Variants in SEMA6D observed in about 807,000 individuals in gnomAD.
SEMA6D encodes the protein semaphorin-6D.
Under a neutral mutation model 106.6 loss-of-function variants are expected in SEMA6D, and 35 were observed. The observed-to-expected ratio is 0.33, with a 90% confidence interval of 0.25 to 0.44. The LOEUF is 0.44. Ranked by LOEUF, SEMA6D falls within the 20% of genes least tolerant of loss-of-function variation. The pLI is 1.00. For synonymous variants in SEMA6D, 499 were observed against 487.7 expected (o/e 1.02, Z -0.31); for missense variants, 1,185 against 1,345.9 (o/e 0.88, Z 1.87).
chr15:47,598,679 TTC>T (rs2076583733), intron 3 of SEMA6D, among the ~76,000 whole-genome samples: 1 of 152,156 alleles, frequency 6.6e-6, no homozygotes, highest in Non-Finnish European at 1.5e-5. Context: ...GTGGTAAGGG[TTC>T]TGTTACTTAA....
intron 1 of SEMA6D, among the ~76,000 whole-genome samples, chr15:47,351,655 G>C (rs57500723): frequency 0.53 from 80,937 of 151,890 alleles, 24,671 homozygotes; most frequent in African/African-American, 0.85. Flanking sequence ...CTTGCCACTT[G>C]CCACTTGGTT....
At chr15:47,704,928 C>T (rs2078884849) in intron 4 of SEMA6D, among the ~76,000 whole-genome samples, 1 of 152,036 alleles carries the variant, frequency 6.6e-6, no homozygotes, top group Non-Finnish European at 1.5e-5. Context: ...TGTATAAGAG[C>T]TATAATCAAG....
intron 1 of SEMA6D, chr15:47,396,374 G>A (rs2145906692): frequency 6.5e-6 from 1 of 152,834 alleles, no homozygotes; most frequent in East Asian, 1.9e-4. Flanking sequence ...GAAGTACCAT[G>A]ATAGGCCGTC....
intron 3 of SEMA6D, among the ~76,000 whole-genome samples, chr15:47,505,306 T>G (rs1477842319): frequency 3.3e-5 from 5 of 152,216 alleles, no homozygotes; most frequent in Non-Finnish European, 7.3e-5. Flanking sequence ...TTCTTCATTG[T>G]TAAGCAGGAC....
chr15:47,305,213 T>A (rs1427558980), intron 1 of SEMA6D, among the ~76,000 whole-genome samples: 1 of 152,162 alleles, frequency 6.6e-6, no homozygotes, highest in Non-Finnish European at 1.5e-5. Flanking sequence ...CCAACTGACT[T>A]AGAATATAGT....
At chr15:47,321,451 A>ATC (rs1228303155) in intron 1 of SEMA6D, among the ~76,000 whole-genome samples, 2 of 152,216 alleles carry the variant, frequency 1.3e-5, no homozygotes, top group African/African-American at 4.8e-5. Context: ...ATTAACCACA[A>ATC]TCTCAGAGTC....
At chr15:47,401,772 A>G (rs1430799596) in intron 1 of SEMA6D, among the ~76,000 whole-genome samples, 1 of 152,194 alleles carries the variant, frequency 6.6e-6, no homozygotes. Context: ...TAAAAATTGC[A>G]TCAACTGTCC....
chr15:47,684,227 C>G (rs971480392), intron 4 of SEMA6D, among the ~76,000 whole-genome samples: 1 of 151,992 alleles, frequency 6.6e-6, no homozygotes, highest in African/African-American at 2.4e-5. Flanking sequence ...ATGCCCCAGT[C>G]TGCTTAATGA....
chr15:47,766,078 A>G, intron 14 of SEMA6D, 27 bp from the exon 15 acceptor site: 1 of 1,613,194 alleles, frequency 6.2e-7, no homozygotes, highest in Non-Finnish European at 8.5e-7. Flanking sequence ...AGAAAATCCA[A>G]GTTACATTCT....
chr15:47,494,741 G>GATAT (rs202139404), intron 3 of SEMA6D, among the ~76,000 whole-genome samples: 998 of 32,672 alleles, frequency 0.031, 53 homozygotes, highest in Non-Finnish European at 0.053. Flanking sequence ...GTGGGATGGA[G>GATAT]ATATATATAT....
chr15:47,353,442 T>G (rs2038409209), intron 1 of SEMA6D, among the ~76,000 whole-genome samples: 1 of 151,996 alleles, frequency 6.6e-6, no homozygotes, highest in African/African-American at 2.4e-5. Context: ...TAACAAAGAG[T>G]TGCACATTCC....
intron 1 of SEMA6D, among the ~76,000 whole-genome samples, chr15:47,742,272 A>G (rs2080866526): frequency 6.7e-6 from 1 of 148,532 alleles, no homozygotes; most frequent in Non-Finnish European, 1.5e-5. Flanking sequence ...ATTTTTACTC[A>G]CATTTTCTCA....
chr15:47,585,203 C>A (rs2076316213), intron 3 of SEMA6D, among the ~76,000 whole-genome samples: 1 of 152,214 alleles, frequency 6.6e-6, no homozygotes, highest in Admixed American at 6.5e-5. Context: ...AAAGGTCTTA[C>A]TTGACGTTTA....
At chr15:47,437,143 A>G (rs2041744034) in intron 2 of SEMA6D, among the ~76,000 whole-genome samples, 1 of 152,056 alleles carries the variant, frequency 6.6e-6, no homozygotes, top group African/African-American at 2.4e-5. Flanking sequence ...ATTCCTCACC[A>G]TGAAAAAGAA....
chr15:47,636,193 T>A (rs1211700895), intron 4 of SEMA6D, among the ~76,000 whole-genome samples: 1 of 152,178 alleles, frequency 6.6e-6, no homozygotes, highest in Non-Finnish European at 1.5e-5. Context: ...TTTATACATT[T>A]ACTAAAAATA....
At chr15:47,259,786 C>T (rs930273155) in intron 1 of SEMA6D, among the ~76,000 whole-genome samples, 3 of 152,074 alleles carry the variant, frequency 2.0e-5, no homozygotes, top group Non-Finnish European at 4.4e-5. Context: ...TTCTGATTCT[C>T]CTTTTCGTAG....
intron 4 of SEMA6D, among the ~76,000 whole-genome samples, chr15:47,615,635 C>T (rs1046167803): frequency 2.0e-5 from 3 of 152,092 alleles, no homozygotes; most frequent in Admixed American, 6.6e-5. Flanking sequence ...CCAAGGGTCA[C>T]GAATTCTAAT....
At chr15:47,379,964 T>G (rs957436737) in intron 1 of SEMA6D, among the ~76,000 whole-genome samples, 31 of 151,858 alleles carry the variant, frequency 2.0e-4, no homozygotes, top group Non-Finnish European at 5.9e-5. Flanking sequence ...TCCATGTTGG[T>G]CAGGCTGGTC....
intron 3 of SEMA6D, among the ~76,000 whole-genome samples, chr15:47,578,704 A>C (rs1458029381): frequency 2.0e-5 from 3 of 152,026 alleles, no homozygotes; most frequent in African/African-American, 7.3e-5. Context: ...AATATATTCT[A>C]CCTGTTGTGT....
Sources: allele counts gnomAD v4.1 joint callset (sites outside exome capture counted in the v4.1 genomes callset), GRCh38; gene constraint gnomAD v4.1.1; transcripts MANE v1.5; gene names NCBI Gene and HGNC (gene_info 2026-07-23, HGNC 2026-07-21).